QPCT: variants seen among roughly 807,000 people sequenced by gnomAD.
QPCT encodes glutaminyl-peptide cyclotransferase, also known as EC.
QPCT carries 44 observed loss-of-function variants against 43.4 expected under a neutral mutation model. That is an observed-to-expected ratio of 1.01 (90% CI 0.80 to 1.30). The LOEUF (loss-of-function observed/expected upper bound fraction) is 1.30, where lower values mean the gene tolerates loss of function less well. Ranked by LOEUF, QPCT falls within the 50% of genes most tolerant of loss-of-function variation. The pLI is 0.00. For missense variants in QPCT, 526 were observed against 436.5 expected (o/e 1.21, Z -1.83); for synonymous variants, 168 against 168.4 (o/e 1.00, Z 0.02).
At position 37,356,803 on chromosome 2, in the gene QPCT, C is replaced by T. The variant is rs556895536; in HGVS notation, c.268-2777C>T. The stretch of plus-strand genomic sequence containing the variant: ...CAGGCAGATCACAAGGTCAGGAGAT[C>T]GAGACCATCCCGGCCAACATGGTGA... On this transcript the variant is annotated intron_variant, in intron 2 of 6. Transcript: ENST00000338415. 4.6e-5 allele frequency among the ~76,000 whole-genome samples: 7 copies of T among 152,114 alleles called. No individual in the cohort carries two copies. The East Asian group carries it at 7.7e-4, about 17-fold the overall frequency.
chr2:37,352,940 G>C lies in QPCT; in HGVS notation c.267+5G>C. On this transcript the variant is annotated splice_donor_5th_base_variant and intron_variant, in intron 2 of 6. Coordinates refer to ENST00000338415, the MANE Select transcript of QPCT (RefSeq NM_012413.4). ...GGAAGCTATGCTGCTCGTCAGGTGA[G>C]AACATGGGACACAAACCTCAAGCTT... The C allele has an allele frequency of 1.2e-6, 2 of 1,610,048 alleles. No individual in the cohort carries two copies. The highest frequency in any genetic ancestry group is 1.7e-6 in the Non-Finnish European group (2 of 1,176,852).
At chr2:37,358,245 T>C (rs1672787906) in intron 2 of QPCT, among the ~76,000 whole-genome samples, 4 of 151,830 alleles carry the variant, frequency 2.6e-5, no homozygotes, top group Admixed American at 2.6e-4. Flanking sequence ...AAACTCCATC[T>C]CTACAAAAAA....
intron 2 of QPCT, among the ~76,000 whole-genome samples, 159 bp downstream of exon 2, chr2:37,353,094 A>C (rs1019372648): frequency 6.6e-6 from 1 of 152,208 alleles, no homozygotes; most frequent in Non-Finnish European, 1.5e-5. Flanking sequence ...CTGAGAGTAC[A>C]TGTCTGTTCT....
intron 1 of QPCT, among the ~76,000 whole-genome samples, chr2:37,348,368 A>T (rs1487394202): frequency 1.3e-5 from 2 of 152,168 alleles, no homozygotes; most frequent in Non-Finnish European, 2.9e-5. Flanking sequence ...CATTTTAGAA[A>T]AGACAGATGT....
At chr2:37,367,082 G>A (rs148254821) in intron 3 of QPCT, 150 bp from the exon 4 acceptor site, 1 of 749,416 alleles carries the variant, frequency 1.3e-6, no homozygotes, top group Non-Finnish European at 2.1e-6. Context: ...AGAGGAAGTG[G>A]TGTGGAATAA....
intron 2 of QPCT, among the ~76,000 whole-genome samples, chr2:37,358,488 C>T (rs1163473090): frequency 5.3e-5 from 8 of 151,582 alleles, no homozygotes; most frequent in African/African-American, 2.0e-4. Context: ...AACCAAGGAA[C>T]ATAGGAAAGT....
chr2:37,359,884 C>T (rs1254491033), intron 3 of QPCT, 26 bp downstream of exon 3: 1 of 1,605,030 alleles, frequency 6.2e-7, no homozygotes, highest in Non-Finnish European at 8.5e-7. Context: ...TTATTGATTC[C>T]TAGGATAAAG....
intron 1 of QPCT, among the ~76,000 whole-genome samples, chr2:37,347,635 G>A (rs1672532540): frequency 6.6e-6 from 1 of 152,078 alleles, no homozygotes; most frequent in Non-Finnish European, 1.5e-5. Context: ...CCTTCATGCA[G>A]CTTAAAGGTC....
chr2:37,359,618 G>A lies in QPCT; in HGVS notation c.306G>A (p.Trp102Ter). 6.2e-7 allele frequency: 1 copy of A among 1,614,052 alleles called. No homozygotes were observed. The highest frequency in any genetic ancestry group is 8.5e-7 in the Non-Finnish European group (1 of 1,179,990). ...MQRIQRLQAD[W>*]VLEIDTFLSQ... ...GAATTCAGAGGCTTCAGGCTGACTG[G>A]GTCTTGGAAATAGACACCTTCTTGA... The change falls in exon 3 of 7, where the codon TGG (tryptophan) becomes TGA (stop). Residue 102 changes from tryptophan to a stop codon, truncating the protein, a stop_gained. Transcript: ENST00000338415. LOFTEE classifies it high-confidence loss of function.
rs1305803543 is a variant in QPCT at position 37,365,146 on chromosome 2, A to G, written c.547-2086A>G. Reference sequence around the variant, plus strand: ...ATATATGATTTAAAGCCTCAAGAAGAGATATCAAGACAGTGAGTGAGTGTG... The same window carrying G: ...ATATATGATTTAAAGCCTCAAGAAGGGATATCAAGACAGTGAGTGAGTGTG... On this transcript the variant is annotated intron_variant, in intron 3 of 6. Transcript: ENST00000338415. Among the ~76,000 whole-genome samples, 3 of 151,962 alleles carry G rather than the reference A, an allele frequency of 2.0e-5. No homozygotes were observed. In the East Asian group the frequency reaches 5.8e-4, roughly 29 times the overall value.
intron 2 of QPCT, among the ~76,000 whole-genome samples, chr2:37,356,256 T>G (rs1672742970): frequency 6.6e-6 from 1 of 152,174 alleles, no homozygotes. Flanking sequence ...TGCTCATGTC[T>G]TCATCTTTGT....
intron 4 of QPCT, chr2:37,368,709 G>A: frequency 4.2e-6 from 2 of 470,998 alleles, no homozygotes; most frequent in South Asian, 3.1e-5. Context: ...AAAGCATTCA[G>A]AACATATTCA....
chr2:37,349,272 G>A (rs530507838), intron 1 of QPCT, among the ~76,000 whole-genome samples: 1 of 152,256 alleles, frequency 6.6e-6, no homozygotes, highest in East Asian at 1.9e-4. Flanking sequence ...AGGTTGAGGA[G>A]CAAACACATG....
At chr2:37,366,490 C>T (rs984721928) in intron 3 of QPCT, among the ~76,000 whole-genome samples, 9 of 152,178 alleles carry the variant, frequency 5.9e-5, no homozygotes, top group African/African-American at 1.9e-4. Flanking sequence ...TATTATTCTT[C>T]GTGTCTGTAG....
At position 37,352,466 on chromosome 2, in the gene QPCT, G is replaced by T. The variant is rs76970582; in HGVS notation, c.121-323G>T. ...AGCCTCCTAAGTAGCTAGAACAACG[G>T]GCATGCACCAATGCGTCACCACGCC... On this transcript the variant is annotated intron_variant, in intron 1 of 6. Coordinates refer to ENST00000338415, the MANE Select transcript of QPCT (RefSeq NM_012413.4). Among the ~76,000 whole-genome samples the T allele has an allele frequency of 3.7e-3, 566 of 152,096 alleles. 3 individuals carry two copies. The highest frequency in any genetic ancestry group is 0.013 in the African/African-American group (550 of 41,488).
Position 37,367,393 on chromosome 2 carries a change from C to T in QPCT, c.708C>T (p.Ser236=), listed in dbSNP as rs1419663713. 2 of 1,613,588 alleles carry T rather than the reference C, an allele frequency of 1.2e-6. No individual in the cohort carries two copies. Among genetic ancestry groups the T allele is most frequent in the African/African-American group, 1.3e-5 (1 of 75,008 alleles). ...ACCCACCTGGAGCGAGAGGCACCAG[C>T]CAACTGCATGGCATGGTTAGTCTGG... is the stretch of plus-strand genomic sequence containing the variant. ...TPHPPGARGT[S]QLHGMDLLVL... The change falls in exon 4 of 7, where the codon AGC becomes AGT. Residue 236 remains serine (S), a synonymous_variant. Transcript: ENST00000338415.
intron 2 of QPCT, among the ~76,000 whole-genome samples, chr2:37,355,744 T>C (rs1050328286): frequency 6.6e-6 from 1 of 152,188 alleles, no homozygotes; most frequent in Non-Finnish European, 1.5e-5. Flanking sequence ...GGCTATTTCA[T>C]TGATTTATAA....
At chr2:37,369,502 A>G (rs1327595526) in intron 4 of QPCT, among the ~76,000 whole-genome samples, 183 bp from the exon 5 acceptor site, 1 of 152,278 alleles carries the variant, frequency 6.6e-6, no homozygotes, top group African/African-American at 2.4e-5. Flanking sequence ...CATAAGCAAG[A>G]TTTAAAGAGT....
chr2:37,372,399 G>A lies in QPCT; in HGVS notation c.867G>A (p.Leu289=). Reference sequence around the variant, plus strand: ...TGGGTTTGCTCAAGGATCACTCTTTGGAGGGGCGGTATTTCCAGAATTACA... The same window carrying A: ...TGGGTTTGCTCAAGGATCACTCTTTAGAGGGGCGGTATTTCCAGAATTACA... ...HELGLLKDHS[L]EGRYFQNYSY... is the part of the protein sequence containing the mutation. Residue 289 remains leucine, a synonymous_variant, in exon 6 of 7, where the codon TTG becomes TTA. Coordinates refer to ENST00000338415, the MANE Select transcript of QPCT (RefSeq NM_012413.4). The A allele has an allele frequency of 6.2e-7, 1 of 1,614,100 alleles. No homozygotes were observed. Among genetic ancestry groups the A allele is most frequent in the Non-Finnish European group, 8.5e-7 (1 of 1,179,982 alleles).
Sources: allele counts gnomAD v4.1 joint callset (sites outside exome capture counted in the v4.1 genomes callset), GRCh38; gene constraint gnomAD v4.1.1; transcripts MANE v1.5; gene names NCBI Gene and HGNC (gene_info 2026-07-23, HGNC 2026-07-21).